Variants in ADD3 observed in about 807,000 individuals in gnomAD.
ADD3 encodes the protein gamma-adducin.
ADD3 carries 25 observed loss-of-function variants against 80.2 expected under a neutral mutation model. The observed-to-expected ratio is 0.31, with a 90% CI of 0.23 to 0.44. The LOEUF (loss-of-function observed/expected upper bound fraction) is 0.44. Ranked by LOEUF, ADD3 falls within the 20% of genes least tolerant of loss-of-function variation. ADD3 has a pLI of 1.00. For missense variants in ADD3, 829 were observed against 847.5 expected, an observed-to-expected ratio of 0.98 and a Z score of 0.27; for synonymous variants, 284 against 289.6, an observed-to-expected ratio of 0.98 and a Z score of 0.20.
chr10:110,090,909 C>T (rs1847420138), intron 1 of ADD3, among the ~76,000 whole-genome samples: 1 of 152,064 alleles, frequency 6.6e-6, no homozygotes, highest in African/African-American at 2.4e-5. Context: ...TTTTACTAAA[C>T]AACTATAGAT....
chr10:110,073,529 A>G (rs536935245), intron 1 of ADD3, among the ~76,000 whole-genome samples: 1 of 152,328 alleles, frequency 6.6e-6, no homozygotes, highest in African/African-American at 2.4e-5. Context: ...TGTAAAGTGC[A>G]CGGCACAGCA....
intron 3 of ADD3, among the ~76,000 whole-genome samples, chr10:110,115,252 G>A (rs1850578153): frequency 6.6e-6 from 1 of 152,068 alleles, no homozygotes; most frequent in African/African-American, 2.4e-5. Context: ...GCTGGGCCTG[G>A]TGGCACATGC....
In ADD3 at chr10:110,116,441, A is replaced by T. The variant is rs1278138122; in HGVS notation, c.486+31A>T. 4 of 1,609,674 alleles carry T rather than the reference A, an allele frequency of 2.5e-6. No individual in the cohort carries two copies. In the South Asian group the frequency reaches 3.3e-5, roughly 13 times the overall value. Reference sequence around the variant, plus strand: ...TTCTTCAGCTTTCAATTCCTTTTTTAAAAAATTCCAGCTAGAAGGCAACTA... The same window carrying T: ...TTCTTCAGCTTTCAATTCCTTTTTTTAAAAATTCCAGCTAGAAGGCAACTA... On this transcript the variant is annotated intron_variant, in intron 4 of 14. Transcript: ENST00000356080.
chr10:110,119,371 G>C lies in ADD3; in HGVS notation c.861+17G>C, dbSNP rs576580333. ...AGTTGTAAGGTATGTAGTAGAGTTT[G>C]TCTAAGGAGCTATTTTTGTTGCTGC... On this transcript the variant is annotated intron_variant, in intron 7 of 14. Coordinates refer to ENST00000356080, the MANE Select transcript of ADD3 (RefSeq NM_016824.5). 6.2e-7 allele frequency: 1 copy of C among 1,613,440 alleles called. No homozygotes were observed. Among genetic ancestry groups the C allele is most frequent in the South Asian group, 1.1e-5 (1 of 91,012 alleles).
In ADD3 at chr10:110,020,913, T is replaced by C. The variant is rs922986652; in HGVS notation, c.-30+12614T>C. On this transcript the variant is annotated intron_variant, in intron 1 of 14. Coordinates refer to ENST00000356080, the MANE Select transcript of ADD3 (RefSeq NM_016824.5). ...GAGCAGTTTGGAGAATGGGAGAGAA[T>C]AAGAGTTCAGTTTGAGACATTCATT... Among the ~76,000 whole-genome samples, 9 of 152,268 alleles carry C rather than the reference T, an allele frequency of 5.9e-5. No individual in the cohort carries two copies. The South Asian group carries it at 1.0e-3, about 18-fold the overall frequency.
rs79804491 is a variant in ADD3 at position 110,011,666 on chromosome 10, G to A, written c.-30+3367G>A. On this transcript the variant is annotated intron_variant, in intron 1 of 14. Transcript: ENST00000356080. ...AAAAAAACTTTAAATATCTAATCGA[G>A]TGCTATTCTTCCTTTTAAACGTAGA... 7.4e-3 allele frequency among the ~76,000 whole-genome samples: 1,123 copies of A among 152,214 alleles called. 19 individuals carry two copies. The highest frequency in any genetic ancestry group is 0.025 in the African/African-American group (1,023 of 41,528).
chr10:109,997,916 G>C (rs10509906), intron 1 of ADD3, among the ~76,000 whole-genome samples: 69,103 of 151,988 alleles, frequency 0.45, 19,264 homozygotes, highest in Non-Finnish European at 0.64. Flanking sequence ...ATCTAAATCC[G>C]GGCGGTTTTC....
At chr10:110,023,207 G>C (rs1853885193) in intron 1 of ADD3, among the ~76,000 whole-genome samples, 1 of 152,094 alleles carries the variant, frequency 6.6e-6, no homozygotes. Flanking sequence ...GTGGGCCTTT[G>C]GGAAGTGATT....
At chr10:110,050,418 G>C (rs781697589) in intron 1 of ADD3, among the ~76,000 whole-genome samples, 4 of 151,108 alleles carry the variant, frequency 2.6e-5, no homozygotes, top group Non-Finnish European at 5.9e-5. Context: ...ATTCTCTCTT[G>C]TCTGCCACCA....
chr10:110,122,296 G>A lies in ADD3; in HGVS notation c.1143+4G>A. ...TATGAGGACTCTGGACAACTTGGTA[G>A]GTTGCAAAATTGAAGTAAAACTTGG... On this transcript the variant is annotated splice_donor_region_variant and intron_variant, in intron 9 of 14. Coordinates refer to ENST00000356080, the MANE Select transcript of ADD3 (RefSeq NM_016824.5). 2 of 1,609,758 alleles carry A rather than the reference G, an allele frequency of 1.2e-6. No individual in the cohort carries two copies. The highest frequency in any genetic ancestry group is 1.7e-6 in the Non-Finnish European group (2 of 1,178,228).
intron 2 of ADD3, among the ~76,000 whole-genome samples, chr10:110,107,358 C>T (rs1849504268): frequency 6.6e-6 from 1 of 152,104 alleles, no homozygotes; most frequent in Non-Finnish European, 1.5e-5. Context: ...GGAAGAAGAA[C>T]AGTGGAAGTC....
At chr10:110,110,056 A>G (rs1401708485) in intron 2 of ADD3, among the ~76,000 whole-genome samples, 1 of 152,252 alleles carries the variant, frequency 6.6e-6, no homozygotes, top group African/African-American at 2.4e-5. Flanking sequence ...ACACTTAACA[A>G]GCCTTGAATT....
At chr10:110,060,723 T>A (rs748758966) in intron 1 of ADD3, among the ~76,000 whole-genome samples, 14 of 152,222 alleles carry the variant, frequency 9.2e-5, no homozygotes, top group Non-Finnish European at 1.2e-4. Context: ...CAACACAAAT[T>A]CATTTTTTGA....
intron 1 of ADD3, among the ~76,000 whole-genome samples, chr10:110,065,539 C>CTTTTT (rs1217733559): frequency 0.023 from 706 of 31,168 alleles, 219 homozygotes; most frequent in Non-Finnish European, 0.037. Context: ...TCTCTCTCCC[C>CTTTTT]TTTTTTTTTT....
At chr10:110,061,780 G>T (rs1011399888) in intron 1 of ADD3, among the ~76,000 whole-genome samples, 1 of 152,114 alleles carries the variant, frequency 6.6e-6, no homozygotes, top group South Asian at 2.1e-4. Flanking sequence ...ATCTTCAAGG[G>T]CATCTAATTC....
intron 1 of ADD3, among the ~76,000 whole-genome samples, chr10:110,066,978 A>G (rs1177401585): frequency 2.0e-5 from 3 of 152,298 alleles, no homozygotes; most frequent in Admixed American, 6.5e-5. Context: ...TTAAAGCTAC[A>G]CTTGGTTGCT....
In ADD3 at chr10:110,124,052, C is replaced by T. The variant is rs368025941; in HGVS notation, c.1179C>T (p.Leu393=). The T allele has an allele frequency of 6.2e-7, 1 of 1,614,180 alleles. No individual in the cohort carries two copies. ...CAGGCTATGCTTACAGGCATCCTCT[C>T]ATTCGAGAGAAGCCTAGGCACAAGA... ...YRTGYAYRHP[L]IREKPRHKSD... The change falls in exon 10 of 15, where the codon CTC becomes CTT. Residue 393 remains leucine, a synonymous_variant. Transcript: ENST00000356080.
intron 1 of ADD3, among the ~76,000 whole-genome samples, chr10:110,098,959 G>A (rs892024575): frequency 5.3e-5 from 8 of 151,784 alleles, no homozygotes; most frequent in Non-Finnish European, 1.0e-4. Flanking sequence ...TCACTCCATC[G>A]CCCAGACTGG....
chr10:110,053,840 A>G (rs11194966), intron 1 of ADD3, among the ~76,000 whole-genome samples: 19,054 of 152,216 alleles, frequency 0.13, 3,817 homozygotes, highest in African/African-American at 0.42. Context: ...GGTTAAATGC[A>G]ACTACCCCTT....
Sources: allele counts gnomAD v4.1 joint callset (sites outside exome capture counted in the v4.1 genomes callset), GRCh38; gene constraint gnomAD v4.1.1; transcripts MANE v1.5; gene names NCBI Gene and HGNC (gene_info 2026-07-23, HGNC 2026-07-21).